The following LIPA variants were observed in gnomAD, a reference collection of about 807,000 sequenced individuals.
The protein encoded by LIPA is lysosomal acid lipase/cholesteryl ester hydrolase.
LIPA carries 26 observed loss-of-function variants against 40.6 expected under a neutral mutation model. That is an observed-to-expected ratio of 0.64 (90% CI 0.47 to 0.89). LIPA has a LOEUF of 0.89. LIPA is among the 40% of genes least tolerant of loss of function. The pLI is 0.00. For synonymous variants in LIPA, 188 were observed against 168.4 expected (o/e 1.12, Z -0.90); for missense variants, 455 against 479.6 (o/e 0.95, Z 0.48).
In LIPA at chr10:89,259,619, A is replaced by C. The variant is rs138792439; in HGVS notation, c.-1-11970T>G. On this transcript the variant is annotated intron_variant, in intron 1 of 5. Transcript: ENST00000282673. Reference sequence around the variant, plus strand: ...GCAGTTTTATTTGTAATAGCCATAAACTGGAAACAACACAAATGCCCATCA... The same window carrying C: ...GCAGTTTTATTTGTAATAGCCATAACCTGGAAACAACACAAATGCCCATCA... 1.5e-3 allele frequency among the ~76,000 whole-genome samples: 236 copies of C among 152,346 alleles called. 5 individuals carry two copies. The East Asian group carries it at 0.038, about 25-fold the overall frequency.
chr10:89,357,602 T>C (rs1843995444), intron 2 of LIPA, among the ~76,000 whole-genome samples: 1 of 152,184 alleles, frequency 6.6e-6, no homozygotes. Context: ...TCTAACCGAA[T>C]GAAAACATCA....
chr10:89,393,175 T>C, intron 2 of LIPA: 17 of 1,290,494 alleles, frequency 1.3e-5, no homozygotes, highest in Non-Finnish European at 1.7e-5. Flanking sequence ...GCCTCTCTGA[T>C]GTCTTGTGGG....
intron 1 of LIPA, chr10:89,339,627 G>C (rs750337534): frequency 1.2e-6 from 2 of 1,614,194 alleles, no homozygotes; most frequent in Non-Finnish European, 1.7e-6. Flanking sequence ...CTCTTGAGAA[G>C]GGACTGAATC....
At chr10:89,392,664 G>T in intron 2 of LIPA, 1 of 1,607,834 alleles carries the variant, frequency 6.2e-7, no homozygotes, top group East Asian at 2.2e-5. Flanking sequence ...TCTCAGAGGA[G>T]CCTGGCTAAG....
intron 1 of LIPA, among the ~76,000 whole-genome samples, chr10:89,327,013 A>C (rs1843605933): frequency 6.6e-6 from 1 of 152,246 alleles, no homozygotes; most frequent in Admixed American, 6.5e-5. Flanking sequence ...GGACAATTGG[A>C]AACAGGGAAG....
intron 1 of LIPA, chr10:89,305,930 C>A: frequency 6.7e-7 from 1 of 1,487,606 alleles, no homozygotes; most frequent in Non-Finnish European, 9.3e-7. Flanking sequence ...AAATCTGTGT[C>A]TCAAAGTCCA....
At chr10:89,219,946 A>G (rs1187381665) in intron 8 of LIPA, among the ~76,000 whole-genome samples, 1 of 152,226 alleles carries the variant, frequency 6.6e-6, no homozygotes, top group African/African-American at 2.4e-5. Context: ...CAGGTCACAA[A>G]TGGGGCACAG....
At chr10:89,301,988 C>CA in intron 1 of LIPA, 1 of 809,640 alleles carries the variant, frequency 1.2e-6, no homozygotes, top group Non-Finnish European at 1.9e-6. Context: ...TGAAGGGAAA[C>CA]AAACAAAAAG....
At chr10:89,384,559 G>A (rs1455026168) in intron 2 of LIPA, 19 of 1,614,036 alleles carry the variant, frequency 1.2e-5, no homozygotes, top group Non-Finnish European at 1.6e-5. Flanking sequence ...CCATTCCAGG[G>A]AAAAACTTCT....
intron 2 of LIPA, chr10:89,383,756 C>G: frequency 6.2e-7 from 1 of 1,614,118 alleles, no homozygotes; most frequent in African/African-American, 1.3e-5. Context: ...GAAGGATGGG[C>G]CTTGGCGAAG....
At chr10:89,385,022 G>C (rs752618489) in intron 2 of LIPA, 1 of 355,132 alleles carries the variant, frequency 2.8e-6, no homozygotes, top group Admixed American at 4.3e-5. Flanking sequence ...AGTAGTAACC[G>C]ATCAAATTGC....
intron 1 of LIPA, chr10:89,309,036 T>G (rs1843500972): frequency 6.6e-6 from 1 of 152,168 alleles, no homozygotes; most frequent in Non-Finnish European, 1.5e-5. Flanking sequence ...CCTCGACTGG[T>G]CTACTATCAT....
In LIPA at chr10:89,225,148, C is replaced by A. The variant is rs775445402; in HGVS notation, c.619G>T (p.Ala207Ser). ...TTGGCCATAGGGCTAGTACAGAAGG[C>A]GACGGAAGCCACAGGACCCAGGGCA... Reference protein sequence around the residue: ...FFALGPVASVAFCTSPMAKLG... With the variant: ...FFALGPVASVSFCTSPMAKLG... The change falls in exon 6 of 10, where the codon GCC becomes TCC. Residue 207 changes from alanine to serine, a missense_variant. Ala to Ser is a moderately conservative substitution (Grantham distance 99). Transcript: ENST00000336233. The A allele has an allele frequency of 2.5e-6, 4 of 1,614,054 alleles. No homozygotes were observed. In the East Asian group the frequency reaches 8.9e-5, roughly 36 times the overall value.
chr10:89,240,183 G>A (rs1842949192), intron 3 of LIPA, among the ~76,000 whole-genome samples: 1 of 152,176 alleles, frequency 6.6e-6, no homozygotes, highest in African/African-American at 2.4e-5. Flanking sequence ...TCTGTCCATT[G>A]TAAACAAATG....
upstream of LIPA, among the ~76,000 whole-genome samples, chr10:89,255,077 T>G (rs148881325): frequency 8.5e-5 from 13 of 152,336 alleles, no homozygotes; most frequent in East Asian, 2.5e-3. Context: ...TTCCAACCTC[T>G]GCCTGTTACC....
intron 1 of LIPA, among the ~76,000 whole-genome samples, chr10:89,341,450 T>C (rs988007386): frequency 5.9e-5 from 9 of 152,254 alleles, no homozygotes; most frequent in African/African-American, 1.7e-4. Flanking sequence ...CCATGGACTC[T>C]TGAGATTAAC....
intron 2 of LIPA, among the ~76,000 whole-genome samples, chr10:89,359,425 A>C (rs2133590968): frequency 6.6e-6 from 1 of 152,300 alleles, no homozygotes; most frequent in Middle Eastern, 3.4e-3. Flanking sequence ...ATTTTTGTTA[A>C]CTGCATTCCT....
Position 89,408,220 on chromosome 10 carries a change from C to T in LIPA, c.61+4571G>A, listed in dbSNP as rs193240358. ...GGCTCATTTTTTTCTGTGCTATGGC[C>T]TGGCCCCAATATTCTCTCTCTGATG... On this transcript the variant is annotated intron_variant, in intron 2 of 8. Transcript: ENST00000371837. Among the ~76,000 whole-genome samples, 646 of 151,656 alleles carry T rather than the reference C, an allele frequency of 4.3e-3. 12 individuals carry two copies. The highest frequency in any genetic ancestry group is 0.037 in the Admixed American group (567 of 15,240).
At chr10:89,402,560 G>A in intron 2 of LIPA, 1 of 1,614,114 alleles carries the variant, frequency 6.2e-7, no homozygotes, top group Non-Finnish European at 8.5e-7. Flanking sequence ...TGAGGAGTCT[G>A]GTGACCTGGG....
Sources: allele counts gnomAD v4.1 joint callset (sites outside exome capture counted in the v4.1 genomes callset), GRCh38; gene constraint gnomAD v4.1.1; transcripts MANE v1.5; gene names NCBI Gene and HGNC (gene_info 2026-07-23, HGNC 2026-07-21).